CACNA1C: variants seen among roughly 807,000 people sequenced by gnomAD.
CACNA1C encodes the protein voltage-dependent L-type calcium channel subunit alpha-1C.
A neutral mutation model predicts 229.0 loss-of-function variants in CACNA1C; 30 were observed. The ratio of observed to expected loss-of-function variants is 0.13; its 90% CI spans 0.10 to 0.18. The LOEUF (loss-of-function observed/expected upper bound fraction) is 0.18, where lower values mean the gene tolerates loss of function less well. Among genes scored for constraint, CACNA1C ranks in the 10% least tolerant of loss-of-function variants. The probability of loss-of-function intolerance (pLI) is 1.00; values close to 1 mark genes in which losing one functional copy is unlikely to be tolerated. For missense variants in CACNA1C, 1,658 were observed against 2,845.0 expected, an observed-to-expected ratio of 0.58 and a Z score of 9.49; for synonymous variants, 1,114 against 1,132.5, an observed-to-expected ratio of 0.98 and a Z score of 0.33.
At chr12:2,186,946 C>G (rs2097042372) in intron 3 of CACNA1C, among the ~76,000 whole-genome samples, 1 of 152,076 alleles carries the variant, frequency 6.6e-6, no homozygotes, top group African/African-American at 2.4e-5. Flanking sequence ...TCTGTTTTTC[C>G]CTGTGAGGTC....
chr12:2,486,821 A>G lies in CACNA1C; in HGVS notation c.916+559A>G, dbSNP rs2099699705. On this transcript the variant is annotated intron_variant, in intron 6 of 46. Transcript: ENST00000399655. This position sits in a 1 kb window ranked among gnomAD's most constrained non-coding sequence, Gnocchi z 4.9. ...GAGCCCCTATTCCAGGTGGGGGAGGAGGGCAGGTGGGAATCACCCCCTTGC... is the reference window on the plus strand; with the variant it reads ...GAGCCCCTATTCCAGGTGGGGGAGGGGGGCAGGTGGGAATCACCCCCTTGC... 6.6e-6 allele frequency among the ~76,000 whole-genome samples: 1 copy of G among 152,146 alleles called. No individual in the cohort carries two copies. Among genetic ancestry groups the G allele is most frequent in the African/African-American group, 2.4e-5 (1 of 41,422 alleles).
Position 2,633,489 on chromosome 12 carries a change from C to T in CACNA1C, c.3829-808C>T, listed in dbSNP as rs2091462261. On this transcript the variant is annotated intron_variant, in intron 29 of 46. Transcript: ENST00000399655. The surrounding 1 kb of genome is among the most constrained non-coding windows in gnomAD (Gnocchi z 5.8). ...CCTTCCTTGCTGGTGCTCCTGGGCT[C>T]CTGGCCATGGTGAGGGCGTCCGGAA... is the stretch of plus-strand genomic sequence containing the variant. 1.5e-6 allele frequency: 1 copy of T among 674,328 alleles called. No homozygotes were observed. The highest frequency in any genetic ancestry group is 2.7e-6 in the Non-Finnish European group (1 of 373,824). 41.8% of individuals were successfully genotyped at this position (674,328 alleles called of 1,614,324 possible). A position where few individuals can be genotyped will look rare whatever the true frequency, so the allele number is the denominator to read the frequency against.
chr12:2,639,725 C>T lies in CACNA1C; in HGVS notation c.3912+5345C>T, dbSNP rs866637636. Among the ~76,000 whole-genome samples, 26 of 152,130 alleles carry T rather than the reference C, an allele frequency of 1.7e-4. No individual in the cohort carries two copies. The highest frequency in any genetic ancestry group is 2.1e-4 in the South Asian group (1 of 4,824). On this transcript the variant is annotated intron_variant, in intron 30 of 46. Coordinates refer to ENST00000399655, the MANE Select transcript of CACNA1C (RefSeq NM_000719.7). This position sits in a 1 kb window ranked among gnomAD's most constrained non-coding sequence, Gnocchi z 4.2. The stretch of plus-strand genomic sequence containing the variant: ...TTGCTGGGTTCTGAGGTGGTGTTTC[C>T]TGTCATCAGGCGCCCATGGTGTCAT...
chr12:2,306,194 A>C (rs2095003066), intron 3 of CACNA1C, among the ~76,000 whole-genome samples: 2 of 152,160 alleles, frequency 1.3e-5, no homozygotes, highest in African/African-American at 2.4e-5. Context: ...TGAAGGGGAC[A>C]TTGGATACTT....
rs2153864076 is a variant in CACNA1C, at chr12:2,688,438, T to C, written c.5785-9T>C. The C allele has an allele frequency of 4.3e-6, 7 of 1,613,648 alleles. No individual in the cohort carries two copies. The highest frequency in any genetic ancestry group is 5.1e-6 in the Non-Finnish European group (6 of 1,179,698). On this transcript the variant is annotated splice_polypyrimidine_tract_variant and intron_variant, in intron 45 of 46. Coordinates refer to ENST00000399655, the MANE Select transcript of CACNA1C (RefSeq NM_000719.7). ...CTCCTATTAACTCACACTCCTTGTG[T>C]GTCCGCAGGCATTGGCAGTGGCAGG...
chr12:2,508,368 A>G (rs2154578419), intron 8 of CACNA1C, among the ~76,000 whole-genome samples: 1 of 152,388 alleles, frequency 6.6e-6, no homozygotes, highest in East Asian at 1.9e-4. Context: ...GTGGAAATTC[A>G]GGGCTGCGCA....
chr12:2,424,478 G>A (rs1335540586), intron 3 of CACNA1C, among the ~76,000 whole-genome samples: 1 of 152,178 alleles, frequency 6.6e-6, no homozygotes, highest in African/African-American at 2.4e-5. Flanking sequence ...TGGATGTTTG[G>A]TGTCTTGGCT....
At chr12:2,525,527 A>G (rs1030252005) in intron 9 of CACNA1C, among the ~76,000 whole-genome samples, 1 of 152,170 alleles carries the variant, frequency 6.6e-6, no homozygotes, top group African/African-American at 2.4e-5. Context: ...GATCCCTGCC[A>G]TGACCCTCTG....
In CACNA1C at chr12:2,201,137, G is replaced by T. The variant is rs77893771; in HGVS notation, c.477+80707G>T. On this transcript the variant is annotated intron_variant, in intron 3 of 46. Coordinates refer to ENST00000399655, the MANE Select transcript of CACNA1C (RefSeq NM_000719.7). ...TGTTGATTCCTCCTCCCCTTTCCCA[G>T]AATTGGGAGTCTTACAGCTTTGTCT... 9.6e-3 allele frequency among the ~76,000 whole-genome samples: 1,457 copies of T among 152,154 alleles called. 21 individuals are homozygous for T. The highest frequency in any genetic ancestry group is 0.032 in the African/African-American group (1,330 of 41,496).
Position 2,597,605 on chromosome 12 carries a change from T to C in CACNA1C, c.2853+316T>C. 1.2e-6 allele frequency: 1 copy of C among 818,086 alleles called. No individual in the cohort carries two copies. The highest frequency in any genetic ancestry group is 2.0e-6 in the Non-Finnish European group (1 of 487,822). The allele number at this position is 818,086 out of a possible 1,614,324, so 50.7% of individuals were successfully genotyped here. A position where few individuals can be genotyped will look rare whatever the true frequency, so the allele number is the denominator to read the frequency against. ...TTCTTTCACTCTCTCTTTTCTTTAC[T>C]CCCAAGCCTGAAATTGGAAAAATGA... On this transcript the variant is annotated intron_variant, in intron 21 of 46. Coordinates refer to ENST00000399655, the MANE Select transcript of CACNA1C (RefSeq NM_000719.7). This position sits in a 1 kb window ranked among gnomAD's most constrained non-coding sequence, Gnocchi z 4.3.
At chr12:2,263,262 A>C (rs2081052611) in intron 3 of CACNA1C, among the ~76,000 whole-genome samples, 1 of 151,526 alleles carries the variant, frequency 6.6e-6, no homozygotes, top group Non-Finnish European at 1.5e-5. Context: ...CCAGGTGCGG[A>C]GGCCCTCAGG....
At chr12:2,687,454 G>A (rs1375089625) in intron 45 of CACNA1C, among the ~76,000 whole-genome samples, 3 of 152,102 alleles carry the variant, frequency 2.0e-5, no homozygotes, top group African/African-American at 7.2e-5. Flanking sequence ...GCCCTGGCAG[G>A]TTGTCATGGC....
intron 3 of CACNA1C, among the ~76,000 whole-genome samples, chr12:2,339,165 C>T (rs2096787413): frequency 6.6e-6 from 1 of 152,234 alleles, no homozygotes; most frequent in African/African-American, 2.4e-5. Flanking sequence ...GGCTATATGG[C>T]GTAGCCCATC....
chr12:2,567,879 G>A lies in CACNA1C; in HGVS notation c.1895+85G>A, dbSNP rs189312629. On this transcript the variant is annotated intron_variant, in intron 13 of 46. Transcript: ENST00000399655. ...CAAGGGAGGTGGCAAGGCCTGGGTGGGAGGGGGGCTGTTCTTCCTCAAAGG... is the reference window on the plus strand; with the variant it reads ...CAAGGGAGGTGGCAAGGCCTGGGTGAGAGGGGGGCTGTTCTTCCTCAAAGG... 1,076 of 747,904 alleles carry A rather than the reference G, an allele frequency of 1.4e-3. 5 individuals carry two copies. The highest frequency in any genetic ancestry group is 1.3e-3 in the Non-Finnish European group (598 of 444,304). The allele number at this position is 747,904 out of a possible 1,614,324, so 46.3% of individuals were successfully genotyped here.
intron 1 of CACNA1C, among the ~76,000 whole-genome samples, chr12:2,105,295 A>T (rs1445538579): frequency 6.6e-6 from 1 of 152,172 alleles, no homozygotes; most frequent in Non-Finnish European, 1.5e-5. Flanking sequence ...GAAAAGATAC[A>T]GTTGTATTTG....
chr12:2,376,215 AT>A (rs2098059410), intron 3 of CACNA1C, among the ~76,000 whole-genome samples: 1 of 152,226 alleles, frequency 6.6e-6, no homozygotes, highest in African/African-American at 2.4e-5. Flanking sequence ...ACACACTGCC[AT>A]GGAGGACACT....
In CACNA1C at chr12:2,163,730, C is replaced by A. The variant is rs181253965; in HGVS notation, c.477+43300C>A. Among the ~76,000 whole-genome samples the A allele has an allele frequency of 3.1e-3, 468 of 152,276 alleles. 2 individuals are homozygous for A. Among genetic ancestry groups the A allele is most frequent in the Middle Eastern group, 0.031 (9 of 294 alleles). ...CCTGGATTTTGGATCGATTTTGCAG[C>A]GGCTCTGGCGGCTGCATGTGTTTCC... On this transcript the variant is annotated intron_variant, in intron 3 of 46. Coordinates refer to ENST00000399655, the MANE Select transcript of CACNA1C (RefSeq NM_000719.7).
At position 2,581,579 on chromosome 12, in the gene CACNA1C, T is replaced by C. The variant is rs1269704941; in HGVS notation, c.1896-11T>C. 6.5e-7 allele frequency: 1 copy of C among 1,547,706 alleles called. No homozygotes were observed. The highest frequency in any genetic ancestry group is 2.0e-5 in the Admixed American group (1 of 51,068). Reference sequence around the variant, plus strand: ...GGGCAGAGTGCTGACCTCCCTCCTGTTGGCTCTCAGGTACTGGAACTCCTT... The same window carrying C: ...GGGCAGAGTGCTGACCTCCCTCCTGCTGGCTCTCAGGTACTGGAACTCCTT... On this transcript the variant is annotated splice_polypyrimidine_tract_variant and intron_variant, in intron 13 of 46. Transcript: ENST00000399655.
intron 29 of CACNA1C, among the ~76,000 whole-genome samples, chr12:2,622,493 G>C (rs886617945): frequency 1.1e-4 from 16 of 152,258 alleles, no homozygotes; most frequent in African/African-American, 3.9e-4. Flanking sequence ...CCCTGGAGGA[G>C]CTCAAAAGCC....
Sources: allele counts gnomAD v4.1 joint callset (sites outside exome capture counted in the v4.1 genomes callset), GRCh38; gene constraint gnomAD v4.1.1; non-coding constraint Gnocchi (gnomAD v3.1); transcripts MANE v1.5; gene names NCBI Gene and HGNC (gene_info 2026-07-23, HGNC 2026-07-21).